RRP1B: variants seen among roughly 807,000 people sequenced by gnomAD.
RRP1B encodes the protein ribosomal RNA processing 1B.
RRP1B carries 56 observed loss-of-function variants against 80.2 expected under a neutral mutation model. The ratio of observed to expected loss-of-function variants is 0.70; its 90% CI spans 0.56 to 0.87. The LOEUF is 0.87. RRP1B is among the 40% of genes least tolerant of loss of function. The probability of loss-of-function intolerance (pLI) is 0.00; values close to 1 mark genes in which losing one functional copy is unlikely to be tolerated. For synonymous variants in RRP1B, 351 were observed against 357.6 expected, an observed-to-expected ratio of 0.98 and a Z score of 0.21; for missense variants, 807 against 939.8, an observed-to-expected ratio of 0.86 and a Z score of 1.85.
rs1245137452 is a variant in RRP1B, at chr21:43,689,119, G to GC, written c.1866+881dup. 6.6e-5 allele frequency among the ~76,000 whole-genome samples: 10 copies of GC among 152,228 alleles called. 1 individual carries two copies. Among genetic ancestry groups the GC allele is most frequent in the Admixed American group, 6.5e-4 (10 of 15,290 alleles). On this transcript the variant is annotated intron_variant, in intron 13 of 15. Transcript: ENST00000340648. Reference sequence around the variant, plus strand: ...ACCTCTGGGCGCCCTGGGCTTCCAGGCCAGGGCCGGCAAACGTAGTGTCAC... The same window carrying GC: ...ACCTCTGGGCGCCCTGGGCTTCCAGGCCCAGGGCCGGCAAACGTAGTGTCAC...
In RRP1B at chr21:43,693,707, C is replaced by G. The variant is rs941163441; in HGVS notation, c.*324C>G. ...GAGCACGTTGATCTGAACTTTAAAT[C>G]AATCAGTGCTGCTGGCACAATGAAA... is the stretch of plus-strand genomic sequence containing the variant. On this transcript the variant is annotated 3_prime_UTR_variant, in exon 16 of 16. Coordinates refer to ENST00000340648, the MANE Select transcript of RRP1B (RefSeq NM_015056.3). This position sits in a 1 kb window ranked among gnomAD's most constrained non-coding sequence, Gnocchi z 4.1. The G allele has an allele frequency of 1.2e-5, 3 of 257,442 alleles. No homozygotes were observed. The highest frequency in any genetic ancestry group is 7.2e-5 in the African/African-American group (3 of 41,762). The allele number at this position is 257,442 out of a possible 1,614,324, so 15.9% of individuals were successfully genotyped here. A position where few individuals can be genotyped will look rare whatever the true frequency, so the allele number is the denominator to read the frequency against.
intron 8 of RRP1B, among the ~76,000 whole-genome samples, chr21:43,678,030 A>G (rs933338108): frequency 6.7e-6 from 1 of 149,714 alleles, no homozygotes; most frequent in Non-Finnish European, 1.5e-5. Flanking sequence ...CTGCAGTGGA[A>G]CTGCTGGATC....
Position 43,659,789 on chromosome 21 carries a change from A to C in RRP1B, c.125A>C (p.Glu42Ala). The change falls in exon 1 of 16, where the codon GAG (glutamate) becomes GCG (alanine). Residue 42 changes from glutamate to alanine, a missense_variant. Transcript: ENST00000340648. The surrounding 1 kb of genome is among the most constrained non-coding windows in gnomAD (Gnocchi z 4.2). Reference protein sequence around the residue: ...RQYISVKTQRETGGFSQEELL... With the variant: ...RQYISVKTQRATGGFSQEELL... ...TACATCAGCGTGAAGACGCAGAGGG[A>C]GACAGGTGGGCGCACGGCCGCGGTC... The C allele has an allele frequency of 6.7e-7, 1 of 1,502,786 alleles. No homozygotes were observed. Among genetic ancestry groups the C allele is most frequent in the Non-Finnish European group, 8.9e-7 (1 of 1,120,774 alleles). The allele number at this position is 1,502,786 out of a possible 1,614,324, so 93.1% of individuals were successfully genotyped here.
intron 3 of RRP1B, 128 bp from the exon 4 acceptor site, chr21:43,673,742 G>T: frequency 1.7e-6 from 1 of 580,554 alleles, no homozygotes. Flanking sequence ...AGATTTTCTA[G>T]CTGCCCAAGA....
intron 2 of RRP1B, 28 bp from the exon 3 acceptor site, chr21:43,672,280 A>G (rs1479895711): frequency 1.2e-6 from 2 of 1,611,796 alleles, no homozygotes; most frequent in South Asian, 1.1e-5. Context: ...GATAACCCCC[A>G]TGTTTCTCCC....
In RRP1B at chr21:43,692,723, C is replaced by T. The variant is rs532581400; in HGVS notation, c.2084-467C>T. Among the ~76,000 whole-genome samples, 21 of 151,968 alleles carry T rather than the reference C, an allele frequency of 1.4e-4. No homozygotes were observed. In the South Asian group the frequency reaches 2.7e-3, roughly 20 times the overall value. ...ATGCACCAGTATATATGTGTGTGTG[C>T]GTGTGCATGCACACATGCGTGAGTG... On this transcript the variant is annotated intron_variant, in intron 15 of 15. Coordinates refer to ENST00000340648, the MANE Select transcript of RRP1B (RefSeq NM_015056.3).
intron 11 of RRP1B, 93 bp downstream of exon 11, chr21:43,685,882 A>G (rs1019911791): frequency 6.8e-7 from 1 of 1,467,758 alleles, no homozygotes. Context: ...AACAAGATTG[A>G]AAGAACTTTA....
At chr21:43,665,965 G>A (rs945463813) in intron 1 of RRP1B, among the ~76,000 whole-genome samples, 5 of 152,196 alleles carry the variant, frequency 3.3e-5, no homozygotes, top group African/African-American at 1.2e-4. Context: ...CCCAAAGAGA[G>A]GATTTGAAGG....
chr21:43,659,703 C>T lies in RRP1B; in HGVS notation c.39C>T (p.Ala13=). The change falls in exon 1 of 16, where the codon GCC becomes GCT. Residue 13 remains alanine (A), a synonymous_variant. Transcript: ENST00000340648. This position sits in a 1 kb window ranked among gnomAD's most constrained non-coding sequence, Gnocchi z 4.2. Reference sequence around the variant, plus strand: ...TGCAGCCGGCCGAGATCCAATTTGCCCAGCGGCTGGCGTCCAGCGAGAAGG... The same window carrying T: ...TGCAGCCGGCCGAGATCCAATTTGCTCAGCGGCTGGCGTCCAGCGAGAAGG... ...PAMQPAEIQF[A]QRLASSEKGI... is the part of the protein sequence containing the mutation. The T allele has an allele frequency of 6.5e-7, 1 of 1,531,210 alleles. No homozygotes were observed. The highest frequency in any genetic ancestry group is 8.8e-7 in the Non-Finnish European group (1 of 1,138,276). The allele number at this position is 1,531,210 out of a possible 1,614,324, so 94.9% of individuals were successfully genotyped here. A position where few individuals can be genotyped will look rare whatever the true frequency, so the allele number is the denominator to read the frequency against.
intron 8 of RRP1B, among the ~76,000 whole-genome samples, chr21:43,678,428 G>GTGT (rs1466258154): frequency 1.3e-5 from 2 of 152,040 alleles, no homozygotes; most frequent in East Asian, 3.8e-4. Flanking sequence ...CAAAGTGCAG[G>GTGT]GATTACAGGC....
In RRP1B at chr21:43,693,897, G is replaced by A. The variant is rs2083096996; in HGVS notation, c.*514G>A. The A allele has an allele frequency of 6.6e-6, 1 of 152,610 alleles. No individual in the cohort carries two copies. Among genetic ancestry groups the A allele is most frequent in the Admixed American group, 6.5e-5 (1 of 15,296 alleles). The allele number at this position is 152,610 out of a possible 1,614,324, so 9.5% of individuals were successfully genotyped here. ...TGTGGGTGTTTGGCAGGTTACCGAT[G>A]GGGAAGATTCTTGTCACAGAATCAG... On this transcript the variant is annotated 3_prime_UTR_variant, in exon 16 of 16. Transcript: ENST00000340648. This position sits in a 1 kb window ranked among gnomAD's most constrained non-coding sequence, Gnocchi z 4.1.
In RRP1B at chr21:43,690,139, G is replaced by C. The variant is rs544606526; in HGVS notation, c.1867-149G>C. ...AAGCCTGAGCTCTGCCGAATGGAAG[G>C]GCTGTCTGCAAGTGCGGTGCGGAAG... On this transcript the variant is annotated intron_variant, in intron 13 of 15. Coordinates refer to ENST00000340648, the MANE Select transcript of RRP1B (RefSeq NM_015056.3). 155 of 750,450 alleles carry C rather than the reference G, an allele frequency of 2.1e-4. 1 individual carries two copies. In the East Asian group the frequency reaches 4.0e-3, roughly 19 times the overall value. 46.5% of individuals were successfully genotyped at this position (750,450 alleles called of 1,614,324 possible).
chr21:43,672,323 A>G lies in RRP1B; in HGVS notation c.229A>G (p.Thr77Ala). The change falls in exon 3 of 16, where the codon ACC becomes GCC. Residue 77 changes from threonine to alanine, a missense_variant. By Grantham distance (58) the Thr-to-Ala change is moderately conservative. Coordinates refer to ENST00000340648, the MANE Select transcript of RRP1B (RefSeq NM_015056.3). ...GCCTCTGCAGGAAGAGCTCGCCAAC[A>G]CCATTGCACAGCTAGTCCATGCTGT... ...EPLLQEELANTIAQLVHAVNN... is the reference protein window; with the variant it reads ...EPLLQEELANAIAQLVHAVNN... The G allele has an allele frequency of 6.2e-7, 1 of 1,613,996 alleles. No homozygotes were observed. The highest frequency in any genetic ancestry group is 8.5e-7 in the Non-Finnish European group (1 of 1,179,982).
intron 1 of RRP1B, among the ~76,000 whole-genome samples, chr21:43,667,403 TTTG>T (rs1041524980): frequency 6.6e-6 from 1 of 151,884 alleles, no homozygotes; most frequent in African/African-American, 2.4e-5. Context: ...ATTTTTTGGT[TTTG>T]TTGTTGGTGT....
rs1457340213 is a variant in RRP1B, at chr21:43,672,382, C to T, written c.271+17C>T. 10 of 1,606,656 alleles carry T rather than the reference C, an allele frequency of 6.2e-6. No homozygotes were observed. The highest frequency in any genetic ancestry group is 6.8e-6 in the Non-Finnish European group (8 of 1,173,262). On this transcript the variant is annotated intron_variant, in intron 3 of 15. Coordinates refer to ENST00000340648, the MANE Select transcript of RRP1B (RefSeq NM_015056.3). ...CAGCGGCTCGTAAGTCCTGTTGTTTCTTCTCCTTCCTTCCAAGTTTTCCGA... is the reference window on the plus strand; with the variant it reads ...CAGCGGCTCGTAAGTCCTGTTGTTTTTTCTCCTTCCTTCCAAGTTTTCCGA...
At position 43,693,463 on chromosome 21, in the gene RRP1B, T is replaced by TTTTATGA; in HGVS notation, c.*84_*90dup. 1.5e-6 allele frequency: 2 copies of TTTTATGA among 1,340,490 alleles called. No homozygotes were observed. The highest frequency in any genetic ancestry group is 2.0e-6 in the Non-Finnish European group (2 of 1,014,780). 83.0% of individuals were successfully genotyped at this position (1,340,490 alleles called of 1,614,324 possible). On this transcript the variant is annotated 3_prime_UTR_variant, in exon 16 of 16. Transcript: ENST00000340648. The surrounding 1 kb of genome is among the most constrained non-coding windows in gnomAD (Gnocchi z 4.1). The stretch of plus-strand genomic sequence containing the variant: ...TATACCTTTAAGAATGTGGGGCCTT[T>TTTTATGA]TTTATGATTTTGTAAGTTCCCATAA...
At chr21:43,666,554 T>G (rs1197946799) in intron 1 of RRP1B, among the ~76,000 whole-genome samples, 1 of 152,112 alleles carries the variant, frequency 6.6e-6, no homozygotes. Context: ...CCGTCTCTAT[T>G]AAAAACTACA....
chr21:43,690,495 G>GC, intron 14 of RRP1B, 55 bp downstream of exon 14: 2 of 1,579,714 alleles, frequency 1.3e-6, no homozygotes, highest in South Asian at 2.3e-5. Context: ...GCACAGATGG[G>GC]CTTGAGCTGA....
intron 8 of RRP1B, among the ~76,000 whole-genome samples, chr21:43,678,209 G>C (rs2083029755): frequency 1.3e-5 from 2 of 152,060 alleles, no homozygotes; most frequent in Admixed American, 1.3e-4. Context: ...ACCCAGGCTG[G>C]AGTGCAGTGG....
Sources: gnomAD v4.1 joint callset for allele counts (sites outside exome capture counted in the v4.1 genomes callset) on GRCh38, gnomAD v4.1.1 for gene constraint, Gnocchi (gnomAD v3.1) non-coding constraint, MANE v1.5 for transcripts, NCBI Gene and HGNC (gene_info 2026-07-23, HGNC 2026-07-21) for gene names.